Variants in TASOR observed in about 807,000 individuals in gnomAD.
TASOR encodes protein TASOR.
In TASOR, 53 loss-of-function variants were observed where a neutral mutation model predicts 178.6. The observed-to-expected ratio is 0.30, with a 90% CI of 0.24 to 0.37. The LOEUF (loss-of-function observed/expected upper bound fraction) is 0.37, where lower values mean the gene tolerates loss of function less well. TASOR is among the 10% of genes least tolerant of loss of function. The pLI, the probability that TASOR is intolerant of heterozygous loss-of-function variation, is 1.00. For missense variants in TASOR, 1,815 were observed against 1,971.4 expected (o/e 0.92, Z 1.50); for synonymous variants, 713 against 696.2 (o/e 1.02, Z -0.38).
intron 11 of TASOR, among the ~76,000 whole-genome samples, chr3:56,657,058 G>A (rs559975967): frequency 6.7e-5 from 10 of 149,474 alleles, no homozygotes; most frequent in South Asian, 4.2e-4. Flanking sequence ...GGCCAGGCAC[G>A]GTGGCTCACG....
intron 11 of TASOR, among the ~76,000 whole-genome samples, chr3:56,652,945 G>GA (rs1329380593): frequency 6.6e-6 from 1 of 152,106 alleles, no homozygotes; most frequent in African/African-American, 2.4e-5. Context: ...AACAGACGTG[G>GA]AAAATATGCC....
chr3:56,646,668 C>T lies in TASOR; in HGVS notation c.2069G>A (p.Cys690Tyr). ...GTCCCCACCCACACTCTTTTTCCTA[C>T]ACTGAATTAAATTAATCAATTCTTT... ...RVKELINLIQCRKKSVGGDSD... is the reference protein window; with the variant it reads ...RVKELINLIQYRKKSVGGDSD... Residue 690 changes from cysteine to tyrosine, a missense_variant, in exon 14 of 24, where the codon TGT becomes TAT. Around this residue, in one of 5 missense-constraint regions of TASOR, gnomAD observed 504 missense variants for 645.3 expected, o/e 0.78. Transcript: ENST00000683822. 3 of 1,613,740 alleles carry T rather than the reference C, an allele frequency of 1.9e-6. No homozygotes were observed. Among genetic ancestry groups the T allele is most frequent in the Non-Finnish European group, 2.5e-6 (3 of 1,179,988 alleles).
In TASOR at chr3:56,641,560, T is replaced by C. The variant is rs1206430952; in HGVS notation, c.2408A>G (p.Asp803Gly). Residue 803 changes from aspartate (D) to glycine (G), a missense_variant, in exon 15 of 24, where the codon GAT becomes GGT. Transcript: ENST00000683822. ...TTTTTGCCTCAGCTCTTCATAGGCA[T>C]CATCAGTGCTCAATCCTAAGGCTTT... is the stretch of plus-strand genomic sequence containing the variant. ...VNKALGLSTDDAYEELRQKHE... is the reference protein window; with the variant it reads ...VNKALGLSTDGAYEELRQKHE... 1 of 1,614,226 alleles carries C rather than the reference T, an allele frequency of 6.2e-7. No homozygotes were observed. Among genetic ancestry groups the C allele is most frequent in the Admixed American group, 1.7e-5 (1 of 60,024 alleles).
chr3:56,680,101 A>C (rs1362319435), intron 1 of TASOR, among the ~76,000 whole-genome samples: 2 of 152,196 alleles, frequency 1.3e-5, no homozygotes, highest in Non-Finnish European at 2.9e-5. Flanking sequence ...TTAAACCCTT[A>C]GATTATTCAA....
At chr3:56,671,969 T>C (rs928807136) in intron 2 of TASOR, among the ~76,000 whole-genome samples, 4 of 152,190 alleles carry the variant, frequency 2.6e-5, no homozygotes, top group Non-Finnish European at 2.9e-5. Context: ...AAATTCATGC[T>C]TTAATTATCT....
At chr3:56,652,307 C>T (rs776035259) in intron 11 of TASOR, among the ~76,000 whole-genome samples, 4 of 152,020 alleles carry the variant, frequency 2.6e-5, no homozygotes, top group African/African-American at 7.3e-5. Context: ...TGGCTGGGCA[C>T]GGTGGTGCAC....
chr3:56,631,584 G>GT lies in TASOR; in HGVS notation c.3747+1459dup, dbSNP rs932459148. On this transcript the variant is annotated intron_variant, in intron 18 of 23. Transcript: ENST00000683822. ...TGTGTGTGTGTGTCTGTGTTTTTTT[G>GT]TTTTTTTTTTTTTTTTTGAGATGGA... 6.8e-3 allele frequency among the ~76,000 whole-genome samples: 772 copies of GT among 113,392 alleles called. 19 individuals carry two copies. In the South Asian group the frequency reaches 0.076, roughly 11 times the overall value. The allele number at this position is 113,392 out of a possible 152,430, so 74.4% of individuals were successfully genotyped here. A position where few individuals can be genotyped will look rare whatever the true frequency, so the allele number is the denominator to read the frequency against.
In TASOR at chr3:56,621,324, T is replaced by C. The variant is rs2076576434; in HGVS notation, c.*1713A>G. ...CTAAGAAAATTTTCATCCCTATTGA[T>C]TTTTATGCTAAAAACAGAATCTTAC... On this transcript the variant is annotated 3_prime_UTR_variant, in exon 24 of 24. Transcript: ENST00000683822. 5.3e-6 allele frequency: 2 copies of C among 376,228 alleles called. No homozygotes were observed. The highest frequency in any genetic ancestry group is 9.6e-6 in the Non-Finnish European group (2 of 209,242). The allele number at this position is 376,228 out of a possible 1,614,324, so 23.3% of individuals were successfully genotyped here.
Position 56,620,493 on chromosome 3 carries a change from T to G in TASOR, c.*2544A>C, listed in dbSNP as rs907913089. On this transcript the variant is annotated 3_prime_UTR_variant, in exon 24 of 24. Coordinates refer to ENST00000683822, the MANE Select transcript of TASOR (RefSeq NM_001365635.2). ...TAGTTAGTTTTGATTCACTATATACTCTCTGTACTTGAGGAAGAGTAAGCT... is the reference window on the plus strand; with the variant it reads ...TAGTTAGTTTTGATTCACTATATACGCTCTGTACTTGAGGAAGAGTAAGCT... 2.6e-5 allele frequency: 4 copies of G among 152,298 alleles called. No homozygotes were observed. Among genetic ancestry groups the G allele is most frequent in the African/African-American group, 7.2e-5 (3 of 41,450 alleles). 9.4% of individuals were successfully genotyped at this position (152,298 alleles called of 1,614,324 possible).
At chr3:56,673,456 A>C (rs1392056866) in intron 2 of TASOR, 124 bp downstream of exon 2, 10 of 649,952 alleles carry the variant, frequency 1.5e-5, no homozygotes, top group Non-Finnish European at 2.1e-5. Context: ...AAAAAAAAAA[A>C]AACTTGTTTT....
chr3:56,647,770 T>TA (rs1446152801), intron 13 of TASOR, among the ~76,000 whole-genome samples: 1 of 152,214 alleles, frequency 6.6e-6, no homozygotes, highest in African/African-American at 2.4e-5. Context: ...AAAAGGTGGT[T>TA]AACAAATCTT....
intron 11 of TASOR, among the ~76,000 whole-genome samples, chr3:56,660,413 C>T (rs2077568258): frequency 6.7e-6 from 1 of 149,752 alleles, no homozygotes; most frequent in South Asian, 2.1e-4. Flanking sequence ...TTGCTTGAAC[C>T]CAGGAAGGCG....
intron 14 of TASOR, among the ~76,000 whole-genome samples, chr3:56,642,582 A>T (rs1255238851): frequency 6.6e-6 from 1 of 152,224 alleles, no homozygotes; most frequent in Non-Finnish European, 1.5e-5. Flanking sequence ...CTAATTATGT[A>T]AACTTTTTAT....
chr3:56,663,606 C>T lies in TASOR; in HGVS notation c.1023-34G>A, dbSNP rs114486450. ...TTTTTAAAAGAAAAGAAAAACATTA[C>T]TCATTAGTATAATCATAAAAATTAA... On this transcript the variant is annotated intron_variant, in intron 7 of 23. Transcript: ENST00000683822. 1.6e-3 allele frequency: 2,110 copies of T among 1,301,938 alleles called. 28 individuals are homozygous for T. The African/African-American group carries it at 0.027, about 17-fold the overall frequency. The allele number at this position is 1,301,938 out of a possible 1,614,324, so 80.6% of individuals were successfully genotyped here.
chr3:56,677,546 G>A (rs2031416591), intron 1 of TASOR, among the ~76,000 whole-genome samples: 1 of 152,134 alleles, frequency 6.6e-6, no homozygotes, highest in Admixed American at 6.6e-5. Flanking sequence ...TCAAGCTGCT[G>A]GGATTCAAAT....
intron 1 of TASOR, among the ~76,000 whole-genome samples, chr3:56,678,344 G>C (rs2031502175): frequency 6.6e-6 from 1 of 151,782 alleles, no homozygotes; most frequent in African/African-American, 2.4e-5. Context: ...ACCAGGCCCA[G>C]CTAATTTTTT....
rs2077058284 is a variant in TASOR at position 56,638,376 on chromosome 3, A to G, written c.2824+330T>C. ...GCAAGCTTCCATCTCAAAAAAACCA[A>G]AAACAAAAAAAGAAGAGTTTATCAT... is the stretch of plus-strand genomic sequence containing the variant. On this transcript the variant is annotated intron_variant, in intron 17 of 23. Coordinates refer to ENST00000683822, the MANE Select transcript of TASOR (RefSeq NM_001365635.2). Among the ~76,000 whole-genome samples, 6 of 152,182 alleles carry G rather than the reference A, an allele frequency of 3.9e-5. No homozygotes were observed. The South Asian group carries it at 1.2e-3, about 32-fold the overall frequency.
intron 7 of TASOR, chr3:56,663,991 G>C (rs1411542284): frequency 9.9e-6 from 4 of 403,914 alleles, no homozygotes; most frequent in Non-Finnish European, 1.3e-5. Context: ...GAGATAAACA[G>C]AACAAAGTTC....
intron 14 of TASOR, among the ~76,000 whole-genome samples, chr3:56,643,318 AATC>A (rs2077166689): frequency 1.3e-5 from 2 of 152,152 alleles, no homozygotes; most frequent in South Asian, 4.1e-4. Flanking sequence ...TGTCAAAACT[AATC>A]ATACTGTGTG....
Sources: allele counts gnomAD v4.1 joint callset (sites outside exome capture counted in the v4.1 genomes callset), GRCh38; gene constraint gnomAD v4.1.1; regional missense constraint gnomAD v4.1.1; transcripts MANE v1.5; gene names NCBI Gene and HGNC (gene_info 2026-07-23, HGNC 2026-07-21).